Variants in DIP2C observed in about 807,000 individuals in gnomAD.
DIP2C encodes DIP2 acetate--CoA ligase C (putative), also known as disco-interacting protein 2 homolog C.
Under a neutral mutation model 192.4 loss-of-function variants are expected in DIP2C, and 33 were observed. That is an observed-to-expected ratio of 0.17 (90% CI 0.13 to 0.23). The LOEUF (loss-of-function observed/expected upper bound fraction) is 0.23, where lower values mean the gene tolerates loss of function less well. Among genes scored for constraint, DIP2C ranks in the 10% least tolerant of loss-of-function variants. The pLI is 1.00. For missense variants in DIP2C, 1,537 were observed against 2,110.1 expected, an observed-to-expected ratio of 0.73 and a Z score of 5.32; for synonymous variants, 979 against 864.1, an observed-to-expected ratio of 1.13 and a Z score of -2.33.
At chr10:476,551 G>A (rs1014992645) in intron 2 of DIP2C, among the ~76,000 whole-genome samples, 4 of 152,220 alleles carry the variant, frequency 2.6e-5, no homozygotes, top group African/African-American at 9.6e-5. Flanking sequence ...GGAAATGCAG[G>A]TGCAGAAGTG....
chr10:409,181 G>C (rs536468439), intron 8 of DIP2C, among the ~76,000 whole-genome samples, 164 bp from the exon 9 acceptor site: 1 of 152,238 alleles, frequency 6.6e-6, no homozygotes, highest in East Asian at 1.9e-4. Context: ...TGGTAGGCAA[G>C]AATGGAAAAT....
intron 1 of DIP2C, among the ~76,000 whole-genome samples, chr10:604,706 T>C (rs11253277): frequency 0.042 from 6,463 of 152,340 alleles, 184 homozygotes; most frequent in East Asian, 0.15. Flanking sequence ...CTAAAAGACA[T>C]TTGTCAATCT....
intron 1 of DIP2C, among the ~76,000 whole-genome samples, chr10:514,786 T>C (rs1234376561): frequency 6.6e-6 from 1 of 152,110 alleles, no homozygotes; most frequent in Admixed American, 6.5e-5. Context: ...ACCACCCCCC[T>C]TCCATGGGGG....
intron 17 of DIP2C, among the ~76,000 whole-genome samples, chr10:376,108 C>T (rs899707049): frequency 3.9e-5 from 6 of 152,230 alleles, no homozygotes; most frequent in Non-Finnish European, 8.8e-5. Context: ...TGTGTATGAA[C>T]CCACTCAATG....
chr10:484,209 G>C (rs1359242863), intron 2 of DIP2C, among the ~76,000 whole-genome samples: 2 of 152,198 alleles, frequency 1.3e-5, no homozygotes, highest in Admixed American at 6.5e-5. Context: ...AAAATGCACT[G>C]AACTCCCTTT....
At position 570,072 on chromosome 10, in the gene DIP2C, C is replaced by T. The variant is rs2131519019; in HGVS notation, c.86-83542G>A. ...AGACTGAAGTATGCCAAGAGCCACT[C>T]AAGGCTGCCACTGCCACGACCAAAG... On this transcript the variant is annotated intron_variant, in intron 1 of 36. Transcript: ENST00000280886. Among the ~76,000 whole-genome samples the T allele has an allele frequency of 2.0e-5, 3 of 152,272 alleles. No individual in the cohort carries two copies. In the Middle Eastern group the frequency reaches 0.01, roughly 518 times the overall value.
chr10:383,073 A>AC (rs1439192106), intron 16 of DIP2C, among the ~76,000 whole-genome samples: 3 of 152,208 alleles, frequency 2.0e-5, no homozygotes, highest in Admixed American at 1.3e-4. Flanking sequence ...GTAAATCTAA[A>AC]CCAAATGAAG....
chr10:378,598 CACAT>C (rs1308623004), intron 17 of DIP2C, among the ~76,000 whole-genome samples: 1 of 144,056 alleles, frequency 6.9e-6, no homozygotes, highest in African/African-American at 2.6e-5. Flanking sequence ...GACATAGACA[CACAT>C]GAACAGACAT....
chr10:487,617 G>T (rs1761639866), intron 1 of DIP2C, among the ~76,000 whole-genome samples: 2 of 112,532 alleles, frequency 1.8e-5, no homozygotes, highest in East Asian at 6.1e-4. Flanking sequence ...TCTCTCTGTC[G>T]CCCAGGCTGG....
intron 1 of DIP2C, among the ~76,000 whole-genome samples, chr10:575,105 T>A (rs1286583960): frequency 6.6e-6 from 1 of 152,110 alleles, no homozygotes; most frequent in Non-Finnish European, 1.5e-5. Context: ...AAAGGCTCAC[T>A]ACAGCTAATA....
intron 1 of DIP2C, among the ~76,000 whole-genome samples, chr10:600,659 G>T (rs997929018): frequency 6.6e-6 from 1 of 152,030 alleles, no homozygotes; most frequent in South Asian, 2.1e-4. Flanking sequence ...CCTTAAAGAG[G>T]ATGGCCCAGG....
At position 286,358 on chromosome 10, in the gene DIP2C, G is replaced by A. The variant is rs750570613; in HGVS notation, c.4045-11C>T. On this transcript the variant is annotated splice_polypyrimidine_tract_variant and intron_variant, in intron 33 of 36. Coordinates refer to ENST00000280886, the MANE Select transcript of DIP2C (RefSeq NM_014974.3). Reference sequence around the variant, plus strand: ...AACCCCTGGAAGTATCTATTTGGGAGAGGAAAAGTCTCTTGTCAATGGGAG... The same window carrying A: ...AACCCCTGGAAGTATCTATTTGGGAAAGGAAAAGTCTCTTGTCAATGGGAG... 6.2e-7 allele frequency: 1 copy of A among 1,613,630 alleles called. No individual in the cohort carries two copies. The highest frequency in any genetic ancestry group is 1.7e-5 in the Admixed American group (1 of 60,024).
intron 1 of DIP2C, among the ~76,000 whole-genome samples, chr10:561,918 C>T (rs1008611614): frequency 1.2e-4 from 18 of 152,254 alleles, no homozygotes; most frequent in African/African-American, 4.3e-4. Context: ...CTAGCCCCAC[C>T]TTCGGTGTCA....
Position 382,731 on chromosome 10 carries a change from T to A in DIP2C, c.1907A>T (p.Asn636Ile), listed in dbSNP as rs766770073. 6.2e-7 allele frequency: 1 copy of A among 1,613,320 alleles called. No individual in the cohort carries two copies. Among genetic ancestry groups the A allele is most frequent in the Non-Finnish European group, 8.5e-7 (1 of 1,179,792 alleles). ...WSISSCDAFLNVFQSKGLRQE... is the reference protein window; with the variant it reads ...WSISSCDAFLIVFQSKGLRQE... ...TCGAAGGCCTTTACTTTGGAAGACA[T>A]TGAGAAATGCATCGCAAGAAGAAAT... is the stretch of plus-strand genomic sequence containing the variant. The change falls in exon 17 of 37, where the codon AAT (asparagine) becomes ATT (isoleucine). Residue 636 changes from asparagine to isoleucine, a missense_variant. By Grantham distance (149) the Asn-to-Ile change is moderately radical (BLOSUM62 -3). Around this residue, in one of 4 missense-constraint regions of DIP2C, gnomAD observed 677 missense variants for 989.9 expected, o/e 0.68. Coordinates refer to ENST00000280886, the MANE Select transcript of DIP2C (RefSeq NM_014974.3).
intron 17 of DIP2C, among the ~76,000 whole-genome samples, chr10:371,196 G>GCACCATCCCCTCACCCTA: frequency 9.6e-6 from 1 of 104,092 alleles, no homozygotes; most frequent in Admixed American, 9.8e-5. Flanking sequence ...CCCTCACCCT[G>GCACCATCCCCTCACCCTA]CACCATCCCC....
intron 4 of DIP2C, among the ~76,000 whole-genome samples, chr10:423,748 A>G (rs762856641): frequency 4.6e-5 from 7 of 152,068 alleles, no homozygotes; most frequent in Admixed American, 6.5e-5. Context: ...ATACCCATAC[A>G]GTTCCTTAAG....
At chr10:520,289 C>T (rs191016538) in intron 1 of DIP2C, among the ~76,000 whole-genome samples, 3 of 152,266 alleles carry the variant, frequency 2.0e-5, no homozygotes, top group East Asian at 1.9e-4. Flanking sequence ...GAACATCAGA[C>T]GCCACAAAGT....
At chr10:604,532 C>A (rs535282271) in intron 1 of DIP2C, among the ~76,000 whole-genome samples, 1 of 152,348 alleles carries the variant, frequency 6.6e-6, no homozygotes, top group African/African-American at 2.4e-5. Flanking sequence ...CACAGCTGAG[C>A]CTGGCGTCAT....
Position 538,021 on chromosome 10 carries a change from C to T in DIP2C, c.86-51491G>A, listed in dbSNP as rs146473455. On this transcript the variant is annotated intron_variant, in intron 1 of 36. Coordinates refer to ENST00000280886, the MANE Select transcript of DIP2C (RefSeq NM_014974.3). ...GCCAATCTGGTCTTGAACTCCTGGC[C>T]TCAAGCGATCTGCTGCCTCGGCCTC... Among the ~76,000 whole-genome samples the T allele has an allele frequency of 9.7e-4, 147 of 152,286 alleles. 2 individuals are homozygous for T. Among genetic ancestry groups the T allele is most frequent in the African/African-American group, 3.5e-3 (145 of 41,570 alleles).
Sources: allele counts gnomAD v4.1 joint callset (sites outside exome capture counted in the v4.1 genomes callset), GRCh38; gene constraint gnomAD v4.1.1; regional missense constraint gnomAD v4.1.1; transcripts MANE v1.5; gene names NCBI Gene and HGNC (gene_info 2026-07-23, HGNC 2026-07-21).